The following SLC2A10 variants were observed in gnomAD, a reference collection of about 807,000 sequenced individuals.
SLC2A10 encodes the protein solute carrier family 2, facilitated glucose transporter member 10.
A neutral mutation model predicts 32.1 loss-of-function variants in SLC2A10; 25 were observed. The ratio of observed to expected loss-of-function variants is 0.78; its 90% confidence interval spans 0.57 to 1.09. The LOEUF (loss-of-function observed/expected upper bound fraction) is 1.09. SLC2A10 is among the 50% of genes least tolerant of loss of function. The pLI, the probability that SLC2A10 is intolerant of heterozygous loss-of-function variation, is 0.00. For synonymous variants in SLC2A10, 332 were observed against 309.6 expected (o/e 1.07, Z -0.76); for missense variants, 673 against 686.5 (o/e 0.98, Z 0.22).
At chr20:46,721,868 C>T (rs1011153179) in intron 1 of SLC2A10, among the ~76,000 whole-genome samples, 3 of 152,188 alleles carry the variant, frequency 2.0e-5, no homozygotes, top group Non-Finnish European at 2.9e-5. Flanking sequence ...GTACATGTGA[C>T]TGGTAACCCC....
rs1166044371 is a variant in SLC2A10 at position 46,725,240 on chromosome 20, C to T, written c.204C>T (p.Leu68=). 2 of 1,614,042 alleles carry T rather than the reference C, an allele frequency of 1.2e-6. No homozygotes were observed. Among genetic ancestry groups the T allele is most frequent in the African/African-American group, 2.7e-5 (2 of 74,932 alleles). Residue 68 remains leucine (L), a synonymous_variant, in exon 2 of 5, where the codon CTC becomes CTT. Transcript: ENST00000359271. ...ALLASLVGGF[L]IDCYGRKQAI... is the part of the protein sequence containing the mutation. ...TCGCCTCCCTGGTTGGTGGCTTCCTCATTGACTGCTATGGCAGGAAGCAAG... is the reference window on the plus strand; with the variant it reads ...TCGCCTCCCTGGTTGGTGGCTTCCTTATTGACTGCTATGGCAGGAAGCAAG...
At chr20:46,726,635 C>T (rs981560273) in intron 2 of SLC2A10, among the ~76,000 whole-genome samples, 1 of 152,220 alleles carries the variant, frequency 6.6e-6, no homozygotes, top group Non-Finnish European at 1.5e-5. Context: ...CCCAGTTCGT[C>T]CAAGACTGTT....
At chr20:46,731,092 G>A (rs1033184380) in intron 4 of SLC2A10, among the ~76,000 whole-genome samples, 2 of 152,196 alleles carry the variant, frequency 1.3e-5, no homozygotes, top group South Asian at 4.1e-4. Flanking sequence ...GTATTAGTTA[G>A]GAAATCGATT....
chr20:46,713,205 C>G (rs1979033860), intron 1 of SLC2A10, among the ~76,000 whole-genome samples: 1 of 152,026 alleles, frequency 6.6e-6, no homozygotes, highest in Non-Finnish European at 1.5e-5. Flanking sequence ...ACTCCTGTTC[C>G]CTTGAGGCTG....
At chr20:46,711,561 C>T (rs1327374631) in intron 1 of SLC2A10, among the ~76,000 whole-genome samples, 1 of 152,170 alleles carries the variant, frequency 6.6e-6, no homozygotes, top group East Asian at 1.9e-4. Context: ...GCCCCTTGTT[C>T]CTGCACCTCC....
intron 1 of SLC2A10, among the ~76,000 whole-genome samples, chr20:46,712,878 C>T (rs531198712): frequency 1.3e-5 from 2 of 152,140 alleles, no homozygotes; most frequent in Admixed American, 6.5e-5. Context: ...TGATCTTGAA[C>T]TCATGAACTC....
intron 4 of SLC2A10, among the ~76,000 whole-genome samples, chr20:46,731,347 C>CT (rs1980288904): frequency 1.3e-5 from 2 of 152,202 alleles, no homozygotes; most frequent in African/African-American, 4.8e-5. Flanking sequence ...TAGAACTTGG[C>CT]TACACCTATA....
At chr20:46,723,826 T>G (rs1979692052) in intron 1 of SLC2A10, among the ~76,000 whole-genome samples, 1 of 152,262 alleles carries the variant, frequency 6.6e-6, no homozygotes, top group Non-Finnish European at 1.5e-5. Flanking sequence ...TTACTTGTTA[T>G]GTGACCATGA....
rs1328138673 is a variant in SLC2A10, at chr20:46,733,787, T to C, written c.1579T>C (p.Ser527Pro). Residue 527 changes from serine to proline, a missense_variant, in exon 5 of 5, where the codon TCC becomes CCC. Transcript: ENST00000359271. ...CCTGAGCTTTGGCCACAGGCAGAAC[T>C]CCACTGGCATCCCGTACAGCCGCAT... ...FTLSFGHRQN[S>P]TGIPYSRIEI... 1.2e-6 allele frequency: 2 copies of C among 1,614,128 alleles called. No individual in the cohort carries two copies. The highest frequency in any genetic ancestry group is 1.7e-6 in the Non-Finnish European group (2 of 1,180,014).
In SLC2A10 at chr20:46,726,861, T is replaced by G. The variant is rs537606044; in HGVS notation, c.1289-3T>G. 1.9e-6 allele frequency: 3 copies of G among 1,613,830 alleles called. No homozygotes were observed. The highest frequency in any genetic ancestry group is 2.5e-6 in the Non-Finnish European group (3 of 1,180,006). On this transcript the variant is annotated splice_region_variant and splice_polypyrimidine_tract_variant and intron_variant, in intron 2 of 4. Coordinates refer to ENST00000359271, the MANE Select transcript of SLC2A10 (RefSeq NM_030777.4). ...CAGGAGCCCTCCTGCTCTCCCACCC[T>G]AGTGACCTGGCTTGTCCTCAGCGAG...
intron 1 of SLC2A10, among the ~76,000 whole-genome samples, chr20:46,712,419 TC>T (rs1379185857): frequency 6.6e-6 from 1 of 151,632 alleles, no homozygotes; most frequent in African/African-American, 2.4e-5. Flanking sequence ...TTCTCCCCCC[TC>T]CCCCTGCCCC....
intron 1 of SLC2A10, among the ~76,000 whole-genome samples, chr20:46,717,853 C>T (rs1252087645): frequency 6.6e-6 from 1 of 152,132 alleles, no homozygotes; most frequent in Non-Finnish European, 1.5e-5. Flanking sequence ...AATGTAGGTG[C>T]CTCTGGGGTG....
rs1245048892 is a variant in SLC2A10, at chr20:46,725,464, T to C, written c.428T>C (p.Ile143Thr). Reference sequence around the variant, plus strand: ...CTGGTGTCCCTCTATGAGGCAGGCATCACCGTGGGCATCCTGCTCTCCTAT... The same window carrying C: ...CTGGTGTCCCTCTATGAGGCAGGCACCACCGTGGGCATCCTGCTCTCCTAT... ...GVLVSLYEAG[I>T]TVGILLSYAL... Residue 143 changes from isoleucine to threonine, a missense_variant, in exon 2 of 5, where the codon ATC becomes ACC. Coordinates refer to ENST00000359271, the MANE Select transcript of SLC2A10 (RefSeq NM_030777.4). 6.2e-7 allele frequency: 1 copy of C among 1,614,036 alleles called. No individual in the cohort carries two copies.
chr20:46,711,348 C>T (rs1978901878), intron 1 of SLC2A10, among the ~76,000 whole-genome samples: 1 of 152,136 alleles, frequency 6.6e-6, no homozygotes, highest in Non-Finnish European at 1.5e-5. Flanking sequence ...GAAGGAGCCC[C>T]AGCATTCTGA....
At chr20:46,727,146 C>A (rs1201177184) in intron 3 of SLC2A10, among the ~76,000 whole-genome samples, 160 bp downstream of exon 3, 1 of 149,860 alleles carries the variant, frequency 6.7e-6, no homozygotes, top group Non-Finnish European at 1.5e-5. Context: ...CTCATATGCA[C>A]TGTAAAACTC....
rs772874942 is a variant in SLC2A10 at position 46,726,116 on chromosome 20, T to G, written c.1080T>G (p.Asn360Lys). 6.2e-7 allele frequency: 1 copy of G among 1,614,224 alleles called. No individual in the cohort carries two copies. The highest frequency in any genetic ancestry group is 8.5e-7 in the Non-Finnish European group (1 of 1,180,038). The change falls in exon 2 of 5, where the codon AAT (asparagine) becomes AAG (lysine). Residue 360 changes from asparagine (N) to lysine (K), a missense_variant. Physicochemically the swap from Asn to Lys is moderately conservative, Grantham distance 94. Coordinates refer to ENST00000359271, the MANE Select transcript of SLC2A10 (RefSeq NM_030777.4). Reference protein sequence around the residue: ...DSSLPPIPRTNEDQREPILST... With the variant: ...DSSLPPIPRTKEDQREPILST... ...CTCTACCTCCCATTCCAAGGACCAA[T>G]GAGGACCAAAGGGAGCCAATCTTGT... is the stretch of plus-strand genomic sequence containing the variant.
At chr20:46,713,495 A>C (rs1979049781) in intron 1 of SLC2A10, among the ~76,000 whole-genome samples, 1 of 152,046 alleles carries the variant, frequency 6.6e-6, no homozygotes, top group African/African-American at 2.4e-5. Context: ...ACGTGCTTGG[A>C]GTGAGAGTAG....
Position 46,725,834 on chromosome 20 carries a change from A to T in SLC2A10, c.798A>T (p.Gly266=). The T allele has an allele frequency of 6.2e-7, 1 of 1,614,120 alleles. No individual in the cohort carries two copies. The highest frequency in any genetic ancestry group is 1.1e-5 in the South Asian group (1 of 91,080). ...TIFSSVGFHG[G]SSAVLASVGL... is the part of the protein sequence containing the mutation. ...TCAGCTCCGTTGGTTTCCATGGGGG[A>T]TCCTCAGCCGTGCTGGCCTCTGTGG... Residue 266 remains glycine, a synonymous_variant, in exon 2 of 5, where the codon GGA becomes GGT. Coordinates refer to ENST00000359271, the MANE Select transcript of SLC2A10 (RefSeq NM_030777.4).
intron 4 of SLC2A10, among the ~76,000 whole-genome samples, chr20:46,730,679 G>C (rs8119275): frequency 0.013 from 1,942 of 152,132 alleles, 36 homozygotes; most frequent in African/African-American, 0.042. Flanking sequence ...AGGCCAGATG[G>C]GTAGGATCAC....
Sources: gnomAD v4.1 joint callset for allele counts (sites outside exome capture counted in the v4.1 genomes callset) on GRCh38, gnomAD v4.1.1 for gene constraint, MANE v1.5 for transcripts, NCBI Gene and HGNC (gene_info 2026-07-23, HGNC 2026-07-21) for gene names.